The following POLR2H variants were observed in gnomAD, a reference collection of about 807,000 sequenced individuals.
The protein encoded by POLR2H is DNA-directed RNA polymerases I, II, and III subunit RPABC3.
In POLR2H, 3 loss-of-function variants were observed where a neutral mutation model predicts 18.1. That is an observed-to-expected ratio of 0.17 (90% confidence interval 0.08 to 0.43). POLR2H has a LOEUF of 0.43. POLR2H is among the 20% of genes least tolerant of loss of function. The probability of loss-of-function intolerance (pLI) is 0.99; values close to 1 mark genes in which losing one functional copy is unlikely to be tolerated. For synonymous variants in POLR2H, 76 were observed against 69.0 expected (o/e 1.10, Z -0.50); for missense variants, 103 against 184.6 (o/e 0.56, Z 2.56).
Position 184,368,482 on chromosome 3 carries a change from A to G in POLR2H, c.*188A>G, listed in dbSNP as rs898376058. ...TGTGAAAGACACAGTGGGAGAGCTG[A>G]AAATGAATCAGAAGCTTTATGTATA... On this transcript the variant is annotated 3_prime_UTR_variant, in exon 6 of 6. Coordinates refer to ENST00000456318, the MANE Select transcript of POLR2H (RefSeq NM_006232.5). 1 of 457,186 alleles carries G rather than the reference A, an allele frequency of 2.2e-6. No individual in the cohort carries two copies. Among genetic ancestry groups the G allele is most frequent in the Admixed American group, 3.8e-5 (1 of 26,550 alleles). The allele number at this position is 457,186 out of a possible 1,614,324, so 28.3% of individuals were successfully genotyped here. A position where few individuals can be genotyped will look rare whatever the true frequency, so the allele number is the denominator to read the frequency against.
intron 5 of POLR2H, 74 bp from the exon 6 acceptor site, chr3:184,368,103 T>G: frequency 6.2e-7 from 1 of 1,612,060 alleles, no homozygotes; most frequent in Non-Finnish European, 8.5e-7. Flanking sequence ...ATGCCTCTTC[T>G]CTTTCTTAGG....
chr3:184,366,210 C>T (rs1713238226), intron 4 of POLR2H, among the ~76,000 whole-genome samples: 1 of 152,084 alleles, frequency 6.6e-6, no homozygotes, highest in Non-Finnish European at 1.5e-5. Context: ...TAATCTCCTT[C>T]AGCCTGTTTC....
At chr3:184,363,969 T>C (rs138541747) in intron 2 of POLR2H, among the ~76,000 whole-genome samples, 1,768 of 152,248 alleles carry the variant, frequency 0.012, 36 homozygotes, top group African/African-American at 0.041. Flanking sequence ...GAGAATTGCC[T>C]GAACCTGGGA....
Position 184,363,192 on chromosome 3 carries a change from G to C in POLR2H, c.-301G>C. On this transcript the variant is annotated 5_prime_UTR_variant, in exon 2 of 6. Transcript: ENST00000456318. ...GGGCCCCAGCGGAGCGCGAGAACCCGCTCTACAGCCTATTGCTTCCCCGCC... is the reference window on the plus strand; with the variant it reads ...GGGCCCCAGCGGAGCGCGAGAACCCCCTCTACAGCCTATTGCTTCCCCGCC... The C allele has an allele frequency of 4.4e-6, 2 of 458,658 alleles. No homozygotes were observed. Among genetic ancestry groups the C allele is most frequent in the Non-Finnish European group, 4.0e-6 (1 of 247,940 alleles). The allele number at this position is 458,658 out of a possible 1,614,324, so 28.4% of individuals were successfully genotyped here.
At position 184,366,466 on chromosome 3, in the gene POLR2H, T is replaced by A. The variant is rs558352150; in HGVS notation, c.252-251T>A. 1.4e-3 allele frequency: 375 copies of A among 271,350 alleles called. 3 individuals are homozygous for A. The highest frequency in any genetic ancestry group is 1.8e-3 in the Admixed American group (36 of 19,888). 16.8% of individuals were successfully genotyped at this position (271,350 alleles called of 1,614,324 possible). A position where few individuals can be genotyped will look rare whatever the true frequency, so the allele number is the denominator to read the frequency against. ...CATTCTCCTACCTCAGCCTCCTGAG[T>A]AGCTGGGACTACAGGAGCCCACTAC... On this transcript the variant is annotated intron_variant, in intron 4 of 5. Transcript: ENST00000456318.
chr3:184,365,509 G>GA, intron 4 of POLR2H: 3 of 332,618 alleles, frequency 9.0e-6, no homozygotes, highest in South Asian at 4.6e-5. Context: ...AAAAAGAAGA[G>GA]AGAAAAAAAA....
At position 184,368,452 on chromosome 3, in the gene POLR2H, T is replaced by G. The variant is rs896322807; in HGVS notation, c.*158T>G. On this transcript the variant is annotated 3_prime_UTR_variant, in exon 6 of 6. Coordinates refer to ENST00000456318, the MANE Select transcript of POLR2H (RefSeq NM_006232.5). ...GGCCTCCACTCAATGGGAAACTGAC[T>G]CGCCTGTGAAAGACACAGTGGGAGA... The G allele has an allele frequency of 1.9e-6, 1 of 526,396 alleles. No homozygotes were observed. The highest frequency in any genetic ancestry group is 1.9e-5 in the African/African-American group (1 of 51,886). The allele number at this position is 526,396 out of a possible 1,614,324, so 32.6% of individuals were successfully genotyped here.
At chr3:184,366,226 C>T (rs1713241583) in intron 4 of POLR2H, among the ~76,000 whole-genome samples, 1 of 151,862 alleles carries the variant, frequency 6.6e-6, no homozygotes. Context: ...GTTTCCTCAT[C>T]AATAAAATAG....
intron 5 of POLR2H, among the ~76,000 whole-genome samples, chr3:184,367,284 G>A (rs978001859): frequency 5.3e-5 from 8 of 151,998 alleles, no homozygotes; most frequent in African/African-American, 1.9e-4. Context: ...TTGAAATGCA[G>A]AAGAGTAATG....
rs1437153027 is a variant in POLR2H at position 184,364,867 on chromosome 3, T to C, written c.74-99T>C. ...TGAGAGCAGATGAGAGACCACTGGA[T>C]GTAGACTGGGTTAGATTGAGTATCC... On this transcript the variant is annotated intron_variant, in intron 2 of 5. Coordinates refer to ENST00000456318, the MANE Select transcript of POLR2H (RefSeq NM_006232.5). The C allele has an allele frequency of 3.8e-6, 3 of 781,232 alleles. No individual in the cohort carries two copies. The East Asian group carries it at 7.3e-5, about 19-fold the overall frequency. 48.4% of individuals were successfully genotyped at this position (781,232 alleles called of 1,614,324 possible). A position where few individuals can be genotyped will look rare whatever the true frequency, so the allele number is the denominator to read the frequency against.
chr3:184,363,424 AGGGG>A lies in POLR2H; in HGVS notation c.-67_-64del. ...GGTTCTCTCCGGTCTTGTCCACGCT[AGGGG>A]GTGCACGTACTCCCAACTGTGGTCG... is the stretch of plus-strand genomic sequence containing the variant. On this transcript the variant is annotated 5_prime_UTR_variant, in exon 2 of 6. Coordinates refer to ENST00000456318, the MANE Select transcript of POLR2H (RefSeq NM_006232.5). 1 of 1,297,438 alleles carries A rather than the reference AGGGG, an allele frequency of 7.7e-7. No individual in the cohort carries two copies. Among genetic ancestry groups the A allele is most frequent in the South Asian group, 1.2e-5 (1 of 83,012 alleles). The allele number at this position is 1,297,438 out of a possible 1,614,324, so 80.4% of individuals were successfully genotyped here.
chr3:184,368,412 G>A lies in POLR2H; in HGVS notation c.*118G>A, dbSNP rs1305089873. ...AAGGGCTGGCTCACTGTCCACCGTG[G>A]CGGCATCTTTAACTGGCCTCCACTC... is the stretch of plus-strand genomic sequence containing the variant. On this transcript the variant is annotated 3_prime_UTR_variant, in exon 6 of 6. Transcript: ENST00000456318. The A allele has an allele frequency of 7.6e-6, 6 of 793,530 alleles. No individual in the cohort carries two copies. Among genetic ancestry groups the A allele is most frequent in the Non-Finnish European group, 1.2e-5 (6 of 513,714 alleles). The allele number at this position is 793,530 out of a possible 1,614,324, so 49.2% of individuals were successfully genotyped here.
intron 5 of POLR2H, among the ~76,000 whole-genome samples, chr3:184,367,083 TG>T (rs1713422205): frequency 8.2e-6 from 1 of 121,804 alleles, no homozygotes; most frequent in Non-Finnish European, 1.7e-5. Flanking sequence ...GTGATTAGAC[TG>T]TTAGGCTTTG....
In POLR2H at chr3:184,363,351, C is replaced by T; in HGVS notation, c.-142C>T. On this transcript the variant is annotated 5_prime_UTR_variant, in exon 2 of 6. Transcript: ENST00000456318. The stretch of plus-strand genomic sequence containing the variant: ...GTGGTCGCGTTACCGCTTGTTTGTG[C>T]GCATGCGCCACTCTCGTCTGGCCGC... The T allele has an allele frequency of 1.4e-6, 1 of 706,188 alleles. No individual in the cohort carries two copies. The highest frequency in any genetic ancestry group is 2.6e-6 in the Non-Finnish European group (1 of 391,190). 43.7% of individuals were successfully genotyped at this position (706,188 alleles called of 1,614,324 possible).
rs1712965372 is a variant in POLR2H, at chr3:184,364,897, G to A, written c.74-69G>A. ...ACTGGGTTAGATTGAGTATCCTGTT[G>A]CATACAATCCCACACTGTAGGATCT... is the stretch of plus-strand genomic sequence containing the variant. On this transcript the variant is annotated intron_variant, in intron 2 of 5. Transcript: ENST00000456318. 8.0e-6 allele frequency: 8 copies of A among 1,003,976 alleles called. No individual in the cohort carries two copies. In the South Asian group the frequency reaches 9.2e-5, roughly 12 times the overall value. 62.2% of individuals were successfully genotyped at this position (1,003,976 alleles called of 1,614,324 possible).
intron 4 of POLR2H, 155 bp from the exon 5 acceptor site, chr3:184,366,562 T>C (rs1445317721): frequency 2.0e-6 from 1 of 508,446 alleles, no homozygotes; most frequent in South Asian, 2.0e-5. Flanking sequence ...ATGGTCTCGA[T>C]CTCCTGACCT....
rs1310607503 is a variant in POLR2H, at chr3:184,365,229, G to T, written c.251+3G>T. The T allele has an allele frequency of 6.5e-7, 1 of 1,549,646 alleles. No individual in the cohort carries two copies. The highest frequency in any genetic ancestry group is 1.1e-5 in the South Asian group (1 of 89,794). ...CCCACTGATGATAGGCCTTCCAGGT[G>T]AGGGAGTGGAGAAGGTAATACTTGA... is the stretch of plus-strand genomic sequence containing the variant. On this transcript the variant is annotated splice_donor_region_variant and intron_variant, in intron 4 of 5. Coordinates refer to ENST00000456318, the MANE Select transcript of POLR2H (RefSeq NM_006232.5).
Position 184,363,260 on chromosome 3 carries a change from A to C in POLR2H, c.-233A>C. On this transcript the variant is annotated 5_prime_UTR_variant, in exon 2 of 6. Transcript: ENST00000456318. ...GACATGAGACCCGCCCTCAATGCCGAAGCCTCTCGGAAGCAATCTTTCGGG... is the reference window on the plus strand; with the variant it reads ...GACATGAGACCCGCCCTCAATGCCGCAGCCTCTCGGAAGCAATCTTTCGGG... 3.4e-6 allele frequency: 2 copies of C among 584,952 alleles called. No homozygotes were observed. The highest frequency in any genetic ancestry group is 6.2e-6 in the Non-Finnish European group (2 of 323,016). The allele number at this position is 584,952 out of a possible 1,614,324, so 36.2% of individuals were successfully genotyped here. A position where few individuals can be genotyped will look rare whatever the true frequency, so the allele number is the denominator to read the frequency against.
chr3:184,363,735 T>C (rs1712731738), intron 2 of POLR2H, among the ~76,000 whole-genome samples, 170 bp downstream of exon 2: 1 of 152,146 alleles, frequency 6.6e-6, no homozygotes, highest in African/African-American at 2.4e-5. Context: ...TCCCGAGCTC[T>C]CTCTGGCTTC....
Sources: gnomAD v4.1 joint callset for allele counts (sites outside exome capture counted in the v4.1 genomes callset) on GRCh38, gnomAD v4.1.1 for gene constraint, MANE v1.5 for transcripts, NCBI Gene and HGNC (gene_info 2026-07-23, HGNC 2026-07-21) for gene names.